KCNH7: variants seen among roughly 807,000 people sequenced by gnomAD.
The protein encoded by KCNH7 is voltage-gated inwardly rectifying potassium channel KCNH7.
Under a neutral mutation model 120.8 loss-of-function variants are expected in KCNH7, and 49 were observed. The observed-to-expected ratio is 0.41, with a 90% confidence interval of 0.32 to 0.51. KCNH7 has a LOEUF of 0.51. Ranked by LOEUF, KCNH7 falls within the 20% of genes least tolerant of loss-of-function variation. The pLI is 0.38. For synonymous variants in KCNH7, 547 were observed against 516.1 expected (o/e 1.06, Z -0.81); for missense variants, 1,097 against 1,446.6 (o/e 0.76, Z 3.92).
At chr2:162,403,608 C>T (rs1270117772) in intron 9 of KCNH7, among the ~76,000 whole-genome samples, 1 of 151,922 alleles carries the variant, frequency 6.6e-6, no homozygotes, top group Non-Finnish European at 1.5e-5. Flanking sequence ...GAAAGGATAA[C>T]ATCAAGTTGG....
chr2:162,618,070 C>T lies in KCNH7; in HGVS notation c.308-80990G>A, dbSNP rs546489246. 2.0e-5 allele frequency among the ~76,000 whole-genome samples: 3 copies of T among 151,656 alleles called. No homozygotes were observed. In the East Asian group the frequency reaches 5.8e-4, roughly 29 times the overall value. On this transcript the variant is annotated intron_variant, in intron 2 of 15. Coordinates refer to ENST00000332142, the MANE Select transcript of KCNH7 (RefSeq NM_033272.4). ...TAATAATATTTCCAGTTAAACCTAG[C>T]TTTAGTAAAGAGATGTATATTATTA...
At chr2:162,568,579 T>C (rs1239484246) in intron 2 of KCNH7, among the ~76,000 whole-genome samples, 1 of 152,036 alleles carries the variant, frequency 6.6e-6, no homozygotes, top group Non-Finnish European at 1.5e-5. Flanking sequence ...GACATATTAA[T>C]ACACATTTTT....
chr2:162,664,550 C>A (rs759573729), intron 2 of KCNH7, among the ~76,000 whole-genome samples: 3 of 152,104 alleles, frequency 2.0e-5, no homozygotes, highest in Non-Finnish European at 4.4e-5. Context: ...GAATCTAATT[C>A]TAATTGCATC....
intron 6 of KCNH7, among the ~76,000 whole-genome samples, chr2:162,453,721 G>A (rs1371967355): frequency 3.3e-5 from 5 of 152,188 alleles, no homozygotes; most frequent in African/African-American, 1.2e-4. Context: ...CAGTGGTGAA[G>A]AGCTTTTTTT....
intron 2 of KCNH7, among the ~76,000 whole-genome samples, chr2:162,596,868 A>T (rs1025563622): frequency 1.3e-5 from 2 of 152,092 alleles, no homozygotes; most frequent in Non-Finnish European, 2.9e-5. Context: ...CAAGAAAACA[A>T]ATAACCCAAT....
chr2:162,611,206 A>G (rs1358440203), intron 2 of KCNH7, among the ~76,000 whole-genome samples: 2 of 152,192 alleles, frequency 1.3e-5, no homozygotes, highest in Non-Finnish European at 2.9e-5. Flanking sequence ...CAGGCAGAGG[A>G]GCAAATGCTG....
At chr2:162,399,492 G>C (rs1415977737) in intron 10 of KCNH7, among the ~76,000 whole-genome samples, 1 of 151,614 alleles carries the variant, frequency 6.6e-6, no homozygotes, top group African/African-American at 2.4e-5. Flanking sequence ...ATTTACATTA[G>C]GTATATCTCC....
intron 7 of KCNH7, among the ~76,000 whole-genome samples, chr2:162,438,732 G>A (rs180877395): frequency 6.6e-6 from 1 of 151,946 alleles, no homozygotes; most frequent in African/African-American, 2.4e-5. Flanking sequence ...ATCAAATTGC[G>A]GCTAACACAT....
chr2:162,633,744 C>T (rs1341989203), intron 2 of KCNH7, among the ~76,000 whole-genome samples: 2 of 151,908 alleles, frequency 1.3e-5, no homozygotes, highest in African/African-American at 2.4e-5. Flanking sequence ...TGTCTATTCT[C>T]GTACCTACAT....
chr2:162,536,145 G>C (rs1692099910), intron 3 of KCNH7, among the ~76,000 whole-genome samples: 1 of 151,614 alleles, frequency 6.6e-6, no homozygotes, highest in African/African-American at 2.4e-5. Context: ...TAAAGGAAAG[G>C]GTTATAAATT....
chr2:162,442,539 C>T (rs1180335313), intron 7 of KCNH7, among the ~76,000 whole-genome samples: 1 of 151,982 alleles, frequency 6.6e-6, no homozygotes, highest in Non-Finnish European at 1.5e-5. Flanking sequence ...GTTTTCTAAG[C>T]TCATCTATGA....
chr2:162,706,643 T>C (rs1270886840), intron 2 of KCNH7, among the ~76,000 whole-genome samples: 2 of 152,118 alleles, frequency 1.3e-5, no homozygotes, highest in African/African-American at 4.8e-5. Flanking sequence ...CTGGTGCTTC[T>C]GTAACATGTT....
chr2:162,807,998 A>G (rs891648122), intron 2 of KCNH7, among the ~76,000 whole-genome samples: 13 of 152,044 alleles, frequency 8.6e-5, no homozygotes, highest in Admixed American at 2.6e-4. Context: ...TCATCCATTT[A>G]TCTGTTCTTT....
At chr2:162,526,693 T>G (rs1361923533) in intron 3 of KCNH7, among the ~76,000 whole-genome samples, 1 of 152,056 alleles carries the variant, frequency 6.6e-6, no homozygotes, top group Non-Finnish European at 1.5e-5. Context: ...TATCCTGTTC[T>G]TTCTTCAAGG....
chr2:162,739,835 A>G (rs1024350851), intron 2 of KCNH7, among the ~76,000 whole-genome samples: 46 of 152,066 alleles, frequency 3.0e-4, no homozygotes, highest in African/African-American at 1.1e-3. Flanking sequence ...ACCTAGTAAG[A>G]AAAGACACAT....
intron 2 of KCNH7, among the ~76,000 whole-genome samples, chr2:162,658,550 G>T (rs1684849536): frequency 6.6e-6 from 1 of 152,044 alleles, no homozygotes; most frequent in African/African-American, 2.4e-5. Flanking sequence ...CTGGAATTTT[G>T]ATTGAGATTG....
At chr2:162,378,488 T>C (rs927588593) in intron 14 of KCNH7, among the ~76,000 whole-genome samples, 1 of 152,176 alleles carries the variant, frequency 6.6e-6, no homozygotes, top group African/African-American at 2.4e-5. Flanking sequence ...AATCAGTAGT[T>C]TGTGATATAG....
intron 2 of KCNH7, among the ~76,000 whole-genome samples, chr2:162,596,563 A>T (rs1694387344): frequency 6.6e-6 from 1 of 152,102 alleles, no homozygotes; most frequent in South Asian, 2.1e-4. Context: ...CCCAAAATGA[A>T]TTAAAGCCTT....
chr2:162,808,264 ATAGT>A (rs1295498037), intron 2 of KCNH7, among the ~76,000 whole-genome samples: 1 of 152,154 alleles, frequency 6.6e-6, no homozygotes. Flanking sequence ...TTTTTGATCC[ATAGT>A]TAGTTGACTC....
Sources: allele counts gnomAD v4.1 joint callset (sites outside exome capture counted in the v4.1 genomes callset), GRCh38; gene constraint gnomAD v4.1.1; transcripts MANE v1.5; gene names NCBI Gene and HGNC (gene_info 2026-07-23, HGNC 2026-07-21).